Variants in ZNF385C observed in about 807,000 individuals in gnomAD.
ZNF385C encodes the protein CTD-2132N18.2.
A neutral mutation model predicts 35.4 loss-of-function variants in ZNF385C; 28 were observed. That is an observed-to-expected ratio of 0.79 (90% CI 0.59 to 1.08). ZNF385C has a LOEUF of 1.08. ZNF385C is among the 50% of genes least tolerant of loss of function. The probability of loss-of-function intolerance (pLI) is 0.00; values close to 1 mark genes in which losing one functional copy is unlikely to be tolerated. For missense variants in ZNF385C, 605 were observed against 595.6 expected (o/e 1.02, Z -0.16); for synonymous variants, 248 against 248.2 (o/e 1.00, Z 0.01).
chr17:42,061,394 C>CA (rs2053460061), intron 2 of ZNF385C: 1 of 150,704 alleles, frequency 6.6e-6, no homozygotes, highest in African/African-American at 2.4e-5. Flanking sequence ...CTAATTTTTG[C>CA]ATTTTTAGTA....
intron 6 of ZNF385C, 115 bp downstream of exon 6, chr17:42,028,668 C>A: frequency 7.6e-7 from 1 of 1,307,644 alleles, no homozygotes; most frequent in Non-Finnish European, 1.0e-6. Context: ...AAGCACAAAG[C>A]CTCCGCCATC....
At chr17:42,047,851 C>T (rs868960410) in intron 2 of ZNF385C, among the ~76,000 whole-genome samples, 2 of 152,014 alleles carry the variant, frequency 1.3e-5, no homozygotes, top group Non-Finnish European at 2.9e-5. Flanking sequence ...GACAGGGTTT[C>T]ACCGTGTTGG....
At chr17:42,058,939 G>T (rs1466235188) in intron 2 of ZNF385C, among the ~76,000 whole-genome samples, 1 of 152,202 alleles carries the variant, frequency 6.6e-6, no homozygotes, top group Non-Finnish European at 1.5e-5. Flanking sequence ...TGACAGGCAT[G>T]AGCCACCGCG....
intron 2 of ZNF385C, among the ~76,000 whole-genome samples, chr17:42,041,366 C>T (rs1555656113): frequency 6.6e-6 from 1 of 152,190 alleles, no homozygotes; most frequent in Non-Finnish European, 1.5e-5. Flanking sequence ...CACTTCACCT[C>T]TCCGAGCCTC....
At chr17:42,048,645 GC>G (rs1281031363) in intron 2 of ZNF385C, among the ~76,000 whole-genome samples, 1 of 152,106 alleles carries the variant, frequency 6.6e-6, no homozygotes, top group Non-Finnish European at 1.5e-5. Flanking sequence ...CCAGAAACCT[GC>G]CCTTCAATCC....
intron 1 of ZNF385C, among the ~76,000 whole-genome samples, chr17:42,085,272 A>AT (rs1323038529): frequency 5.3e-5 from 8 of 150,662 alleles, no homozygotes; most frequent in Admixed American, 1.3e-4. Context: ...TCTGCAAAAC[A>AT]TTTTTTTTTG....
At chr17:42,097,164 G>A (rs1216294197) in intron 1 of ZNF385C, among the ~76,000 whole-genome samples, 1 of 151,960 alleles carries the variant, frequency 6.6e-6, no homozygotes, top group African/African-American at 2.4e-5. Flanking sequence ...TCTATGAGGT[G>A]GGTTCTATTA....
intron 1 of ZNF385C, among the ~76,000 whole-genome samples, chr17:42,083,472 G>A (rs1028949358): frequency 3.3e-5 from 5 of 152,088 alleles, no homozygotes; most frequent in South Asian, 4.1e-4. Context: ...CTCCGAAAGT[G>A]TTGGGATTAC....
At chr17:42,040,710 A>G in intron 2 of ZNF385C, 2 of 1,232,344 alleles carry the variant, frequency 1.6e-6, no homozygotes, top group South Asian at 4.1e-5. Flanking sequence ...CAATAGCTGC[A>G]AGGTCCAGTG....
intron 1 of ZNF385C, among the ~76,000 whole-genome samples, chr17:42,080,715 TGAA>T (rs1567996091): frequency 6.6e-6 from 1 of 152,152 alleles, no homozygotes; most frequent in Non-Finnish European, 1.5e-5. Context: ...TTGCAGGCCA[TGAA>T]GAAGGAGTCC....
chr17:42,060,077 C>T (rs781311731), intron 2 of ZNF385C, among the ~76,000 whole-genome samples: 4 of 152,154 alleles, frequency 2.6e-5, no homozygotes, highest in Admixed American at 6.5e-5. Context: ...CAGACAACAT[C>T]CTCAGCCACA....
intron 2 of ZNF385C, chr17:42,038,393 C>CCTG: frequency 3.1e-6 from 1 of 320,732 alleles, no homozygotes; most frequent in Non-Finnish European, 5.8e-6. Flanking sequence ...AACCCATGGG[C>CCTG]TCTGAAGGGA....
intron 1 of ZNF385C, among the ~76,000 whole-genome samples, chr17:42,071,142 AG>A: frequency 6.6e-6 from 1 of 152,288 alleles, no homozygotes; most frequent in African/African-American, 2.4e-5. Context: ...CCCGGGGGCT[AG>A]GCAACAGCTG....
At chr17:42,098,084 C>CT (rs1390321986) in intron 1 of ZNF385C, among the ~76,000 whole-genome samples, 3 of 152,190 alleles carry the variant, frequency 2.0e-5, no homozygotes, top group Non-Finnish European at 4.4e-5. Context: ...AACGAGGTTC[C>CT]TTACTCCGGA....
chr17:42,036,928 T>G (rs1045928227), intron 3 of ZNF385C, among the ~76,000 whole-genome samples: 1 of 152,184 alleles, frequency 6.6e-6, no homozygotes, highest in Non-Finnish European at 1.5e-5. Flanking sequence ...CACCCATGAT[T>G]TCACTTGAGT....
intron 1 of ZNF385C, among the ~76,000 whole-genome samples, chr17:42,096,089 C>T (rs2053914369): frequency 1.3e-5 from 2 of 152,132 alleles, no homozygotes; most frequent in Admixed American, 1.3e-4. Context: ...CACTCGCACC[C>T]TGGCCACCCC....
intron 1 of ZNF385C, among the ~76,000 whole-genome samples, chr17:42,097,153 C>T (rs1555661029): frequency 6.6e-6 from 1 of 152,106 alleles, no homozygotes; most frequent in African/African-American, 2.4e-5. Flanking sequence ...CTTGCAGCCA[C>T]TCTATGAGGT....
At position 42,031,634 on chromosome 17, in the gene ZNF385C, C is replaced by CT; in HGVS notation, c.660dup (p.Glu221ArgfsTer5). The CT allele has an allele frequency of 6.4e-7, 1 of 1,550,610 alleles. No homozygotes were observed. Among genetic ancestry groups the CT allele is most frequent in the Non-Finnish European group, 8.7e-7 (1 of 1,146,966 alleles). ...CAGGACTGACCTTTACTCTGTGGCT[C>CT]TCCAGGGGCTCCACTGGCCAGCGTT... On this transcript the variant is annotated frameshift_variant, in exon 5 of 9. Coordinates refer to ENST00000692273, the MANE Select transcript of ZNF385C (RefSeq NM_001392013.1). LOFTEE classifies it high-confidence loss of function.
chr17:42,064,487 A>G (rs561839796), intron 1 of ZNF385C, among the ~76,000 whole-genome samples: 9 of 152,292 alleles, frequency 5.9e-5, no homozygotes, highest in African/African-American at 2.2e-4. Context: ...AAGTAACTCT[A>G]TTTGGAGATG....
Sources: allele counts gnomAD v4.1 joint callset (sites outside exome capture counted in the v4.1 genomes callset), GRCh38; gene constraint gnomAD v4.1.1; transcripts MANE v1.5; gene names NCBI Gene and HGNC (gene_info 2026-07-23, HGNC 2026-07-21).